Variants in SIK2 observed in about 807,000 individuals in gnomAD.
SIK2 encodes salt inducible kinase 2.
Under a neutral mutation model 103.2 loss-of-function variants are expected in SIK2, and 29 were observed. The ratio of observed to expected loss-of-function variants is 0.28; its 90% confidence interval spans 0.21 to 0.38. SIK2 has a LOEUF of 0.38. Ranked by LOEUF, SIK2 falls within the 10% of genes least tolerant of loss-of-function variation. The pLI, the probability that SIK2 is intolerant of heterozygous loss-of-function variation, is 1.00. For synonymous variants in SIK2, 412 were observed against 446.1 expected (o/e 0.92, Z 0.96); for missense variants, 879 against 1,171.0 (o/e 0.75, Z 3.64).
At chr11:111,695,469 T>C (rs532028580) in intron 4 of SIK2, among the ~76,000 whole-genome samples, 1 of 152,228 alleles carries the variant, frequency 6.6e-6, no homozygotes, top group Non-Finnish European at 1.5e-5. Flanking sequence ...TAATCTCCTA[T>C]TTAAATAAAA....
intron 3 of SIK2, among the ~76,000 whole-genome samples, chr11:111,648,489 A>T (rs569343952): frequency 1.3e-5 from 2 of 152,082 alleles, no homozygotes; most frequent in Non-Finnish European, 2.9e-5. Context: ...TCATGACCTA[A>T]TCATCTCCCA....
chr11:111,707,741 A>G (rs1428783321), intron 8 of SIK2, among the ~76,000 whole-genome samples: 2 of 152,190 alleles, frequency 1.3e-5, no homozygotes, highest in African/African-American at 4.8e-5. Flanking sequence ...GAAGTGGCAA[A>G]TCACTTGTTT....
At position 111,701,429 on chromosome 11, in the gene SIK2, C is replaced by T. The variant is rs1186567587; in HGVS notation, c.604-23C>T. 1.9e-6 allele frequency: 3 copies of T among 1,604,516 alleles called. No individual in the cohort carries two copies. Among genetic ancestry groups the T allele is most frequent in the Admixed American group, 3.4e-5 (2 of 59,560 alleles). On this transcript the variant is annotated intron_variant, in intron 5 of 14. Coordinates refer to ENST00000304987, the MANE Select transcript of SIK2 (RefSeq NM_015191.3). The surrounding 1 kb of genome is among the most constrained non-coding windows in gnomAD (Gnocchi z 4.2). The stretch of plus-strand genomic sequence containing the variant: ...TGTTTGACGTTCTTGGTAGAAAAGT[C>T]TCTGCATTGTTTTCTTCCCTAGAGT...
chr11:111,621,469 A>G (rs551548384), intron 3 of SIK2, among the ~76,000 whole-genome samples: 3 of 145,154 alleles, frequency 2.1e-5, no homozygotes, highest in African/African-American at 7.3e-5. Context: ...TATTATATGA[A>G]TATACCCCAG....
rs141577944 is a variant in SIK2, at chr11:111,707,289, T to G, written c.1101+2150T>G. 2.0e-5 allele frequency among the ~76,000 whole-genome samples: 3 copies of G among 152,362 alleles called. No homozygotes were observed. In the East Asian group the frequency reaches 5.8e-4, roughly 29 times the overall value. The stretch of plus-strand genomic sequence containing the variant: ...GAGGGGTTATATAAACAGTTGTTCC[T>G]GAGCACGTGCATGTGTTATTGTACA... On this transcript the variant is annotated intron_variant, in intron 8 of 14. Coordinates refer to ENST00000304987, the MANE Select transcript of SIK2 (RefSeq NM_015191.3).
intron 3 of SIK2, among the ~76,000 whole-genome samples, chr11:111,684,630 G>A (rs551580898): frequency 1.3e-5 from 2 of 152,192 alleles, no homozygotes; most frequent in Non-Finnish European, 2.9e-5. Context: ...CCAAAGGTCC[G>A]TATTTATAGT....
chr11:111,648,647 GTATA>G (rs970754105), intron 3 of SIK2, among the ~76,000 whole-genome samples: 2 of 150,646 alleles, frequency 1.3e-5, no homozygotes, highest in African/African-American at 2.4e-5. Context: ...TATATTTCAT[GTATA>G]TATATATATT....
At chr11:111,664,157 A>T (rs1230887810) in intron 3 of SIK2, among the ~76,000 whole-genome samples, 1 of 152,188 alleles carries the variant, frequency 6.6e-6, no homozygotes, top group Admixed American at 6.5e-5. Flanking sequence ...TAAAGTGTTG[A>T]CCTAGTTCTG....
chr11:111,723,683 G>A lies in SIK2; in HGVS notation c.2335G>A (p.Glu779Lys). The A allele has an allele frequency of 6.2e-7, 1 of 1,613,886 alleles. No individual in the cohort carries two copies. The highest frequency in any genetic ancestry group is 1.1e-5 in the South Asian group (1 of 90,904). The change falls in exon 15 of 15, where the codon GAG (glutamate) becomes AAG (lysine). Residue 779 changes from glutamate (E) to lysine (K), a missense_variant. Physicochemically the swap from Glu to Lys is moderately conservative, Grantham distance 56. Transcript: ENST00000304987. ...GACCCAGCCCCTGAGCCCCGTCCTG[G>A]AGCCTTCCTCCGAGCAGATGCAATA... is the stretch of plus-strand genomic sequence containing the variant. ...SLTQPLSPVL[E>K]PSSEQMQYSP...
intron 3 of SIK2, among the ~76,000 whole-genome samples, chr11:111,640,798 G>A (rs1165075743): frequency 1.6e-5 from 2 of 127,154 alleles, no homozygotes; most frequent in African/African-American, 6.1e-5. Flanking sequence ...GCAGTGGCGC[G>A]ATCTCAGCTC....
At chr11:111,696,515 A>C (rs1437753260) in intron 4 of SIK2, among the ~76,000 whole-genome samples, 1 of 152,232 alleles carries the variant, frequency 6.6e-6, no homozygotes, top group African/African-American at 2.4e-5. Flanking sequence ...TTATAATAGC[A>C]AGCAGAATGT....
At chr11:111,606,681 T>C (rs1941652702) in intron 1 of SIK2, among the ~76,000 whole-genome samples, 1 of 152,186 alleles carries the variant, frequency 6.6e-6, no homozygotes, top group African/African-American at 2.4e-5. Context: ...GTGTGCATTT[T>C]ACATTTTTTT....
intron 10 of SIK2, among the ~76,000 whole-genome samples, chr11:111,720,237 A>C (rs1370409280): frequency 6.6e-6 from 1 of 152,138 alleles, no homozygotes; most frequent in Non-Finnish European, 1.5e-5. Context: ...GTGCCACGTG[A>C]TTGATCAGGG....
At chr11:111,712,152 G>A in intron 8 of SIK2, 59 bp from the exon 9 acceptor site, 3 of 1,465,650 alleles carry the variant, frequency 2.0e-6, no homozygotes, top group South Asian at 1.2e-5. Context: ...TTAGAACTTT[G>A]TGTATTTATA....
intron 3 of SIK2, among the ~76,000 whole-genome samples, chr11:111,655,569 T>C (rs1326877890): frequency 6.6e-6 from 1 of 152,220 alleles, no homozygotes; most frequent in Non-Finnish European, 1.5e-5. Flanking sequence ...TGCTGTATTT[T>C]GGGGTGTTTA....
intron 3 of SIK2, among the ~76,000 whole-genome samples, chr11:111,663,353 T>C (rs1942492769): frequency 6.6e-6 from 1 of 151,892 alleles, no homozygotes; most frequent in South Asian, 2.1e-4. Context: ...AAGAAAGCAA[T>C]GTGGATATCT....
chr11:111,684,995 A>G (rs1165557153), intron 3 of SIK2, among the ~76,000 whole-genome samples: 1 of 152,258 alleles, frequency 6.6e-6, no homozygotes, highest in African/African-American at 2.4e-5. Flanking sequence ...CTTTGTGCTT[A>G]TGCTTAGTGC....
At chr11:111,636,395 A>G (rs1565322473) in intron 3 of SIK2, among the ~76,000 whole-genome samples, 2 of 152,212 alleles carry the variant, frequency 1.3e-5, no homozygotes, top group South Asian at 4.1e-4. Context: ...TTTTATTTCT[A>G]TCAGAGCAAT....
chr11:111,679,114 G>A (rs1344362281), intron 3 of SIK2, among the ~76,000 whole-genome samples: 1 of 152,032 alleles, frequency 6.6e-6, no homozygotes, highest in Non-Finnish European at 1.5e-5. Flanking sequence ...TTAAAGATGT[G>A]GAAAATGTTT....
Sources: gnomAD v4.1 joint callset for allele counts (sites outside exome capture counted in the v4.1 genomes callset) on GRCh38, gnomAD v4.1.1 for gene constraint, Gnocchi (gnomAD v3.1) non-coding constraint, MANE v1.5 for transcripts, NCBI Gene and HGNC (gene_info 2026-07-23, HGNC 2026-07-21) for gene names.